The following HTRA1 variants were observed in gnomAD, a reference collection of about 807,000 sequenced individuals.
HTRA1 encodes the protein serine protease HTRA1.
A neutral mutation model predicts 49.7 loss-of-function variants in HTRA1; 26 were observed. The observed-to-expected ratio is 0.52, with a 90% CI of 0.38 to 0.73. HTRA1 has a LOEUF of 0.73. Ranked by LOEUF, HTRA1 falls within the 30% of genes least tolerant of loss-of-function variation. The probability of loss-of-function intolerance (pLI) is 0.00; values close to 1 mark genes in which losing one functional copy is unlikely to be tolerated. For missense variants in HTRA1, 561 were observed against 667.2 expected (o/e 0.84, Z 1.75); for synonymous variants, 291 against 286.9 (o/e 1.01, Z -0.14).
In HTRA1 at chr10:122,506,595, C is replaced by T. The variant is rs2097503160; in HGVS notation, c.778-96C>T. 1.0e-5 allele frequency: 11 copies of T among 1,073,820 alleles called. No homozygotes were observed. The highest frequency in any genetic ancestry group is 1.6e-5 in the Non-Finnish European group (11 of 703,462). 66.5% of individuals were successfully genotyped at this position (1,073,820 alleles called of 1,614,324 possible). On this transcript the variant is annotated intron_variant, in intron 3 of 8. Transcript: ENST00000368984. The surrounding 1 kb of genome is among the most constrained non-coding windows in gnomAD (Gnocchi z 5.2). ...ACCGGGCCTGGTGTTTCCAAATAGC[C>T]CGTCACTGTCCCTGCTTGGTTTTCC...
intron 3 of HTRA1, among the ~76,000 whole-genome samples, chr10:122,491,583 G>A (rs141156745): frequency 1.3e-5 from 2 of 152,358 alleles, no homozygotes; most frequent in Non-Finnish European, 2.9e-5. Flanking sequence ...CATACCGTGC[G>A]GCTGCTTCTG....
At chr10:122,468,544 GAGA>G (rs2097484786) in intron 1 of HTRA1, among the ~76,000 whole-genome samples, 1 of 152,136 alleles carries the variant, frequency 6.6e-6, no homozygotes, top group African/African-American at 2.4e-5. Flanking sequence ...AATCTTCACA[GAGA>G]AGGAGGGTGA....
intron 2 of HTRA1, 69 bp from the exon 3 acceptor site, chr10:122,489,353 T>C (rs1029538371): frequency 2.9e-6 from 4 of 1,386,284 alleles, no homozygotes; most frequent in Non-Finnish European, 4.1e-6. Context: ...GCACAACCCA[T>C]TAATCAATGC....
chr10:122,462,152 C>T, intron 1 of HTRA1, 28 bp downstream of exon 1: 1 of 1,495,416 alleles, frequency 6.7e-7, no homozygotes, highest in Non-Finnish European at 9.0e-7. Context: ...TGGGCAGCTC[C>T]CCACTCTCTC....
At chr10:122,466,245 A>G (rs1190426919) in intron 1 of HTRA1, among the ~76,000 whole-genome samples, 7 of 152,008 alleles carry the variant, frequency 4.6e-5, no homozygotes, top group Admixed American at 1.3e-4. Context: ...GGCTCACTGC[A>G]AGCTCCACCT....
rs886687646 is a variant in HTRA1, at chr10:122,463,666, T to A, written c.472+1542T>A. Among the ~76,000 whole-genome samples, 9 of 152,344 alleles carry A rather than the reference T, an allele frequency of 5.9e-5. No individual in the cohort carries two copies. In the East Asian group the frequency reaches 1.7e-3, roughly 29 times the overall value. On this transcript the variant is annotated intron_variant, in intron 1 of 8. Coordinates refer to ENST00000368984, the MANE Select transcript of HTRA1 (RefSeq NM_002775.5). ...ACAGGCGGATGCCACCACACCCAGC[T>A]TCTCATTCCCGTTTTACAGATAGCG... is the stretch of plus-strand genomic sequence containing the variant.
In HTRA1 at chr10:122,488,927, C is replaced by T; in HGVS notation, c.498C>T (p.Arg166=). ...GGCAGGAAGATCCCAACAGTTTGCG[C>T]CATAAATATAACTTTATCGCGGACG... The part of the protein sequence containing the change: ...GQGQEDPNSL[R]HKYNFIADVV... Residue 166 remains arginine (R), a synonymous_variant, in exon 2 of 9, where the codon CGC becomes CGT. Coordinates refer to ENST00000368984, the MANE Select transcript of HTRA1 (RefSeq NM_002775.5). The T allele has an allele frequency of 6.2e-7, 1 of 1,614,172 alleles. No individual in the cohort carries two copies. Among genetic ancestry groups the T allele is most frequent in the African/African-American group, 1.3e-5 (1 of 75,056 alleles).
chr10:122,494,539 C>A lies in HTRA1; in HGVS notation c.777+4913C>A, dbSNP rs1371257245. ...CGGAAAGCGCTGGTGAAACAGTGAG[C>A]TTTCCCGTGGGTGCTTTTCCCTGAC... is the stretch of plus-strand genomic sequence containing the variant. On this transcript the variant is annotated intron_variant, in intron 3 of 8. Transcript: ENST00000368984. The surrounding 1 kb of genome is among the most constrained non-coding windows in gnomAD (Gnocchi z 4.0). 6.6e-6 allele frequency among the ~76,000 whole-genome samples: 1 copy of A among 152,202 alleles called. No homozygotes were observed. Among genetic ancestry groups the A allele is most frequent in the Non-Finnish European group, 1.5e-5 (1 of 68,044 alleles).
chr10:122,494,953 G>GT lies in HTRA1; in HGVS notation c.777+5328dup, dbSNP rs1440492535. Among the ~76,000 whole-genome samples, 1 of 152,176 alleles carries GT rather than the reference G, an allele frequency of 6.6e-6. No individual in the cohort carries two copies. Among genetic ancestry groups the GT allele is most frequent in the Non-Finnish European group, 1.5e-5 (1 of 68,030 alleles). Reference sequence around the variant, plus strand: ...GGTGAATCTTCCCTGAGTCAGCTGAGTGAGGGGGTTCAGGCAGCCCCCCGG... The same window carrying GT: ...GGTGAATCTTCCCTGAGTCAGCTGAGTTGAGGGGGTTCAGGCAGCCCCCCGG... On this transcript the variant is annotated intron_variant, in intron 3 of 8. Transcript: ENST00000368984. The surrounding 1 kb of genome is among the most constrained non-coding windows in gnomAD (Gnocchi z 4.0).
intron 8 of HTRA1, among the ~76,000 whole-genome samples, chr10:122,513,535 C>A (rs2097506542): frequency 6.9e-6 from 1 of 144,848 alleles, no homozygotes; most frequent in Admixed American, 7.3e-5. Context: ...CTGGCACATG[C>A]ATGTAATCCC....
chr10:122,464,446 T>C lies in HTRA1; in HGVS notation c.472+2322T>C, dbSNP rs2097482922. ...TGCTTTTCTTATCCCTCCCTCCTTC[T>C]TTTGCAAATATTTATTGAGCTCTGT... On this transcript the variant is annotated intron_variant, in intron 1 of 8. Transcript: ENST00000368984. The surrounding 1 kb of genome is among the most constrained non-coding windows in gnomAD (Gnocchi z 4.8). Among the ~76,000 whole-genome samples the C allele has an allele frequency of 6.6e-6, 1 of 152,176 alleles. No individual in the cohort carries two copies. Among genetic ancestry groups the C allele is most frequent in the Admixed American group, 6.5e-5 (1 of 15,284 alleles).
chr10:122,470,539 T>C (rs931936938), intron 1 of HTRA1, among the ~76,000 whole-genome samples: 5 of 152,078 alleles, frequency 3.3e-5, no homozygotes, highest in African/African-American at 1.2e-4. Flanking sequence ...TGAAGGAGCT[T>C]TGTCAACTCC....
intron 1 of HTRA1, among the ~76,000 whole-genome samples, chr10:122,483,554 T>A (rs990213828): frequency 6.6e-6 from 1 of 152,240 alleles, no homozygotes; most frequent in African/African-American, 2.4e-5. Context: ...TTACTCTGGA[T>A]TGTCTAGGCT....
Position 122,510,152 on chromosome 10 carries a change from A to C in HTRA1, c.1177A>C (p.Ser393Arg). 2 of 1,613,404 alleles carry C rather than the reference A, an allele frequency of 1.2e-6. No individual in the cohort carries two copies. Among genetic ancestry groups the C allele is most frequent in the East Asian group, 2.2e-5 (1 of 44,878 alleles). The change falls in exon 7 of 9, where the codon AGC becomes CGC. Residue 393 changes from serine (S) to arginine (R), a missense_variant and splice_region_variant. Ser to Arg is a moderately radical substitution (Grantham distance 110). Transcript: ENST00000368984. ...TATCCGAATGATGTCACTCACGTCC[A>C]GGTGGGTAAACAGGATGCGTGTCTG... ...IGIRMMSLTS[S>R]KAKELKDRHR... is the part of the protein sequence containing the mutation.
chr10:122,479,597 C>T (rs1341528974), intron 1 of HTRA1, among the ~76,000 whole-genome samples: 1 of 152,056 alleles, frequency 6.6e-6, no homozygotes, highest in Admixed American at 6.6e-5. Flanking sequence ...TGGGATTTGA[C>T]TAGCTGGAGG....
intron 3 of HTRA1, among the ~76,000 whole-genome samples, chr10:122,491,565 C>A (rs1028170864): frequency 2.0e-5 from 3 of 152,234 alleles, no homozygotes; most frequent in Non-Finnish European, 2.9e-5. Flanking sequence ...GTTTGGAATG[C>A]GTGGGCACAT....
chr10:122,507,409 T>C lies in HTRA1; in HGVS notation c.1005+7T>C, dbSNP rs1591040453. Reference sequence around the variant, plus strand: ...AGGCCCGTTAGTAAACCTGGTAAGGTCTTTTAAACCTATGTTAGGTCATTT... The same window carrying C: ...AGGCCCGTTAGTAAACCTGGTAAGGCCTTTTAAACCTATGTTAGGTCATTT... On this transcript the variant is annotated splice_region_variant and intron_variant, in intron 5 of 8. Coordinates refer to ENST00000368984, the MANE Select transcript of HTRA1 (RefSeq NM_002775.5). The C allele has an allele frequency of 1.2e-6, 2 of 1,600,522 alleles. No homozygotes were observed. Among genetic ancestry groups the C allele is most frequent in the African/African-American group, 2.7e-5 (2 of 74,724 alleles).
chr10:122,483,354 G>A (rs1238377092), intron 1 of HTRA1, among the ~76,000 whole-genome samples: 2 of 152,168 alleles, frequency 1.3e-5, no homozygotes, highest in Non-Finnish European at 2.9e-5. Flanking sequence ...AGGAAATGTT[G>A]GCTGCTCTTA....
intron 1 of HTRA1, among the ~76,000 whole-genome samples, chr10:122,485,267 G>C (rs182926910): frequency 6.4e-4 from 98 of 152,300 alleles, no homozygotes; most frequent in African/African-American, 1.9e-3. Flanking sequence ...GTCCACCCAG[G>C]GATGGTAAGA....
Sources: gnomAD v4.1 joint callset for allele counts (sites outside exome capture counted in the v4.1 genomes callset) on GRCh38, gnomAD v4.1.1 for gene constraint, Gnocchi (gnomAD v3.1) non-coding constraint, MANE v1.5 for transcripts, NCBI Gene and HGNC (gene_info 2026-07-23, HGNC 2026-07-21) for gene names.